The following CCNDBP1 variants were observed in gnomAD, a reference collection of about 807,000 sequenced individuals.
The protein encoded by CCNDBP1 is cyclin-D1-binding protein 1.
In CCNDBP1, 45 loss-of-function variants were observed where a neutral mutation model predicts 46.2. That is an observed-to-expected ratio of 0.97 (90% CI 0.77 to 1.25). CCNDBP1 has a LOEUF of 1.25. Ranked by LOEUF, CCNDBP1 falls within the 50% of genes most tolerant of loss-of-function variation. CCNDBP1 has a pLI of 0.00. For synonymous variants in CCNDBP1, 154 were observed against 163.6 expected (o/e 0.94, Z 0.45); for missense variants, 436 against 442.1 (o/e 0.99, Z 0.12).
At position 43,190,154 on chromosome 15, in the gene CCNDBP1, A is replaced by G. The variant is rs1362620135; in HGVS notation, c.428+3A>G. On this transcript the variant is annotated splice_donor_region_variant and intron_variant, in intron 5 of 10. Transcript: ENST00000300213. ...CTTTCCGTCACTCCAACTCAGAGGT[A>G]GTGATGCCACAGTTTAGGTTACCAG... The G allele has an allele frequency of 6.2e-7, 1 of 1,613,736 alleles. No individual in the cohort carries two copies. Among genetic ancestry groups the G allele is most frequent in the Admixed American group, 1.7e-5 (1 of 60,004 alleles).
chr15:43,190,231 T>TAA, intron 5 of CCNDBP1, 80 bp downstream of exon 5: 5 of 1,585,628 alleles, frequency 3.2e-6, no homozygotes, highest in Non-Finnish European at 4.3e-6. Flanking sequence ...ACAGCAAAGT[T>TAA]ACTGACAGCT....
Position 43,191,430 on chromosome 15 carries a change from G to A in CCNDBP1, c.615G>A (p.Leu205=). 2 of 1,502,500 alleles carry A rather than the reference G, an allele frequency of 1.3e-6. No homozygotes were observed. Among genetic ancestry groups the A allele is most frequent in the Non-Finnish European group, 1.8e-6 (2 of 1,116,030 alleles). The allele number at this position is 1,502,500 out of a possible 1,614,324, so 93.1% of individuals were successfully genotyped here. A position where few individuals can be genotyped will look rare whatever the true frequency, so the allele number is the denominator to read the frequency against. ...AATGTGACCCTTACTCTGGCCTCTT[G>A]AATGATACTGAGGAGAACAACTCTG... ...VEECDPYSGL[L]NDTEENNSDN... is the part of the protein sequence containing the mutation. The change falls in exon 8 of 11, where the codon TTG becomes TTA. Residue 205 remains leucine, a synonymous_variant. Transcript: ENST00000300213.
Position 43,190,865 on chromosome 15 carries a change from G to C in CCNDBP1, c.503-101G>C, listed in dbSNP as rs114886580. On this transcript the variant is annotated intron_variant, in intron 6 of 10. Transcript: ENST00000300213. Reference sequence around the variant, plus strand: ...ACCCGCACCCTTGTCAACCGTCCTTGGCACTCCCATCAATAGGAACAATGT... The same window carrying C: ...ACCCGCACCCTTGTCAACCGTCCTTCGCACTCCCATCAATAGGAACAATGT... 2.4e-3 allele frequency: 2,218 copies of C among 925,630 alleles called. 46 individuals carry two copies. In the African/African-American group the frequency reaches 0.033, roughly 14 times the overall value. The allele number at this position is 925,630 out of a possible 1,614,324, so 57.3% of individuals were successfully genotyped here.
rs945739750 is a variant in CCNDBP1 at position 43,196,915 on chromosome 15, C to T, written c.*2074C>T. 1.3e-5 allele frequency: 4 copies of T among 300,742 alleles called. No homozygotes were observed. The highest frequency in any genetic ancestry group is 4.6e-5 in the Admixed American group (1 of 21,656). 18.6% of individuals were successfully genotyped at this position (300,742 alleles called of 1,614,324 possible). ...GGGCCTAATGGGAGGTGTTTGGATC[C>T]CTCATGAATGGCTTCGTTCCATTGG... On this transcript the variant is annotated 3_prime_UTR_variant, in exon 11 of 11. Transcript: ENST00000300213.
intron 9 of CCNDBP1, chr15:43,194,211 T>C (rs951013577): frequency 5.9e-6 from 3 of 510,212 alleles, no homozygotes; most frequent in Admixed American, 7.5e-5. Flanking sequence ...TAAAATGTTA[T>C]AGCAATAGTA....
Position 43,194,893 on chromosome 15 carries a change from C to T in CCNDBP1, c.*52C>T. The T allele has an allele frequency of 9.1e-7, 1 of 1,099,690 alleles. No homozygotes were observed. The highest frequency in any genetic ancestry group is 2.4e-5 in the East Asian group (1 of 41,948). 68.1% of individuals were successfully genotyped at this position (1,099,690 alleles called of 1,614,324 possible). On this transcript the variant is annotated 3_prime_UTR_variant, in exon 11 of 11. Coordinates refer to ENST00000300213, the MANE Select transcript of CCNDBP1 (RefSeq NM_012142.5). Reference sequence around the variant, plus strand: ...CCCCTCTCATCGTCATGGTCAGGCTCTGATACCTGCTTTTAAAATGGAGCT... The same window carrying T: ...CCCCTCTCATCGTCATGGTCAGGCTTTGATACCTGCTTTTAAAATGGAGCT...
In CCNDBP1 at chr15:43,185,833, G is replaced by C; in HGVS notation, c.123G>C (p.Gln41His). 1 of 1,611,390 alleles carries C rather than the reference G, an allele frequency of 6.2e-7. No individual in the cohort carries two copies. Among genetic ancestry groups the C allele is most frequent in the Non-Finnish European group, 8.5e-7 (1 of 1,179,952 alleles). Residue 41 changes from glutamine to histidine, a missense_variant, in exon 2 of 11, where the codon CAG (glutamine) becomes CAC (histidine). Physicochemically the swap from Gln to His is conservative, Grantham distance 24. Coordinates refer to ENST00000300213, the MANE Select transcript of CCNDBP1 (RefSeq NM_012142.5). ...LLPRVRVGEA[Q>H]ETTEEFNREM... ...CACACCCACAAGTCGGCGAAGCCCA[G>C]GAGACCACCGAGGAGTTTAATCGAG...
intron 9 of CCNDBP1, 164 bp from the exon 10 acceptor site, chr15:43,194,251 C>T: frequency 1.9e-6 from 1 of 526,414 alleles, no homozygotes; most frequent in South Asian, 3.1e-5. Flanking sequence ...TAGAAAAGAA[C>T]CCGTAATCCT....
At chr15:43,186,780 CT>C (rs1287973996) in intron 3 of CCNDBP1, among the ~76,000 whole-genome samples, 1 of 152,130 alleles carries the variant, frequency 6.6e-6, no homozygotes, top group Non-Finnish European at 1.5e-5. Flanking sequence ...CCCCCAGTTC[CT>C]TTTGCATTAT....
At chr15:43,187,817 A>G (rs944593006) in intron 3 of CCNDBP1, among the ~76,000 whole-genome samples, 13 of 152,310 alleles carry the variant, frequency 8.5e-5, no homozygotes, top group African/African-American at 2.9e-4. Context: ...TCATAGATGA[A>G]AAGTTAGAAT....
chr15:43,185,493 A>G lies in CCNDBP1; in HGVS notation c.-6A>G. On this transcript the variant is annotated 5_prime_UTR_variant, in exon 1 of 11. Coordinates refer to ENST00000300213, the MANE Select transcript of CCNDBP1 (RefSeq NM_012142.5). ...CTGTGTTTGCGGCCTTCGGCAAGCG[A>G]CTGAGATGGCGAGCGCAACTGCACC... is the stretch of plus-strand genomic sequence containing the variant. 1 of 1,582,330 alleles carries G rather than the reference A, an allele frequency of 6.3e-7. No individual in the cohort carries two copies. Among genetic ancestry groups the G allele is most frequent in the Non-Finnish European group, 8.6e-7 (1 of 1,168,112 alleles).
chr15:43,188,452 A>G (rs1314900093), intron 3 of CCNDBP1: 2 of 152,186 alleles, frequency 1.3e-5, no homozygotes, highest in African/African-American at 2.4e-5. Flanking sequence ...TTTGTAACCA[A>G]CTACCCAACT....
chr15:43,190,025 A>C (rs373929076), intron 4 of CCNDBP1, 30 bp from the exon 5 acceptor site: 9 of 1,584,366 alleles, frequency 5.7e-6, no homozygotes, highest in Non-Finnish European at 7.8e-6. Flanking sequence ...AAAGAACACC[A>C]GGTTGCTTAT....
intron 1 of CCNDBP1, 45 bp downstream of exon 1, chr15:43,185,652 G>A (rs1249525537): frequency 3.5e-6 from 5 of 1,435,896 alleles, no homozygotes; most frequent in Admixed American, 2.1e-5. Flanking sequence ...GGCGGGCTCG[G>A]GGTCGGGGAG....
Position 43,191,394 on chromosome 15 carries a change from G to A in CCNDBP1, c.580-1G>A. The A allele has an allele frequency of 6.5e-7, 1 of 1,527,490 alleles. No homozygotes were observed. The highest frequency in any genetic ancestry group is 1.1e-5 in the South Asian group (1 of 89,308). 94.6% of individuals were successfully genotyped at this position (1,527,490 alleles called of 1,614,324 possible). A position where few individuals can be genotyped will look rare whatever the true frequency, so the allele number is the denominator to read the frequency against. ...TTCACATACATCATGGTATGTCTTA[G>A]GCTGTGGAAGAATGTGACCCTTACT... On this transcript the variant is annotated splice_acceptor_variant, in intron 7 of 10. Transcript: ENST00000300213. LOFTEE classifies it high-confidence loss of function.
At position 43,189,294 on chromosome 15, in the gene CCNDBP1, G is replaced by A. The variant is rs1018467916; in HGVS notation, c.331+14G>A. The stretch of plus-strand genomic sequence containing the variant: ...CAAAGGATCAGGGTAAGCCACATAA[G>A]TGTTGCATTTATCGTGTAGATCTTT... On this transcript the variant is annotated intron_variant, in intron 4 of 10. Coordinates refer to ENST00000300213, the MANE Select transcript of CCNDBP1 (RefSeq NM_012142.5). The A allele has an allele frequency of 2.8e-5, 43 of 1,511,242 alleles. No individual in the cohort carries two copies. Among genetic ancestry groups the A allele is most frequent in the Middle Eastern group, 1.7e-4 (1 of 5,840 alleles). The allele number at this position is 1,511,242 out of a possible 1,614,324, so 93.6% of individuals were successfully genotyped here.
intron 3 of CCNDBP1, among the ~76,000 whole-genome samples, chr15:43,187,324 C>G (rs1386761173): frequency 4.6e-5 from 7 of 150,564 alleles, no homozygotes; most frequent in Admixed American, 4.6e-4. Flanking sequence ...GGCTGGAGTG[C>G]AGTGGCACAG....
chr15:43,187,939 T>C (rs568380670), intron 3 of CCNDBP1, among the ~76,000 whole-genome samples: 2 of 152,276 alleles, frequency 1.3e-5, no homozygotes, highest in Non-Finnish European at 2.9e-5. Flanking sequence ...GAATCATCAT[T>C]GCCTTCTTGA....
At chr15:43,189,100 AAAAAGAAAAAGAAAG>A (rs1567262459) in intron 3 of CCNDBP1, 84 bp from the exon 4 acceptor site, 4 of 470,988 alleles carry the variant, frequency 8.5e-6, no homozygotes, top group African/African-American at 8.4e-5. Flanking sequence ...AAAAAAAAAA[AAAAAGAAAAAGAAAG>A]AAAAGAAAAA....
Sources: gnomAD v4.1 joint callset for allele counts (sites outside exome capture counted in the v4.1 genomes callset) on GRCh38, gnomAD v4.1.1 for gene constraint, MANE v1.5 for transcripts, NCBI Gene and HGNC (gene_info 2026-07-23, HGNC 2026-07-21) for gene names.